CCDC33: variants seen among roughly 807,000 people sequenced by gnomAD.
The protein encoded by CCDC33 is coiled-coil domain-containing protein 33.
Under a neutral mutation model 91.9 loss-of-function variants are expected in CCDC33, and 94 were observed. The ratio of observed to expected loss-of-function variants is 1.02; its 90% CI spans 0.87 to 1.21. The LOEUF (loss-of-function observed/expected upper bound fraction) is 1.21. CCDC33 is among the 50% of genes most tolerant of loss of function. The probability of loss-of-function intolerance (pLI) is 0.00; values close to 1 mark genes in which losing one functional copy is unlikely to be tolerated. For missense variants in CCDC33, 940 were observed against 935.5 expected, an observed-to-expected ratio of 1.00 and a Z score of -0.06; for synonymous variants, 396 against 374.5, an observed-to-expected ratio of 1.06 and a Z score of -0.66.
chr15:74,207,935 C>T, intron 1 of CCDC33: 1 of 1,460,186 alleles, frequency 6.8e-7, no homozygotes, highest in African/African-American at 1.4e-5. Context: ...ATGGGTGACT[C>T]TCCACCTCCT....
At chr15:74,289,004 T>C (rs1051818992) in intron 10 of CCDC33, among the ~76,000 whole-genome samples, 1 of 152,200 alleles carries the variant, frequency 6.6e-6, no homozygotes, top group Non-Finnish European at 1.5e-5. Flanking sequence ...GATCTCTTAG[T>C]GTCTTTCACC....
chr15:74,335,666 G>A lies in CCDC33; in HGVS notation c.2140-259G>A, dbSNP rs77877796. On this transcript the variant is annotated intron_variant, in intron 18 of 18. Transcript: ENST00000398814. The stretch of plus-strand genomic sequence containing the variant: ...TGCCCGTGGCCAGAAGCTCAGCAGC[G>A]GCTCCTGGGAAAGGCCTGGAAAGGA... 342 of 416,296 alleles carry A rather than the reference G, an allele frequency of 8.2e-4. 3 individuals are homozygous for A. The East Asian group carries it at 0.013, about 16-fold the overall frequency. The allele number at this position is 416,296 out of a possible 1,614,324, so 25.8% of individuals were successfully genotyped here. A position where few individuals can be genotyped will look rare whatever the true frequency, so the allele number is the denominator to read the frequency against.
At position 74,218,670 on chromosome 15, in the gene CCDC33, C is replaced by T. The variant is rs766019911; in HGVS notation, c.484C>T (p.Arg162Cys). Reference sequence around the variant, plus strand: ...GGCTCAGGATCACGAGGACCTGTACCGCTACTGTGGCAACCTGGCTCTGCT... The same window carrying T: ...GGCTCAGGATCACGAGGACCTGTACTGCTACTGTGGCAACCTGGCTCTGCT... Residue 162 changes from arginine (R) to cysteine (C), a missense_variant, in exon 2 of 3, where the codon CGC (arginine) becomes TGC (cysteine). Arg to Cys is a radical substitution (Grantham distance 180). Transcript: ENST00000635913. This position sits in a 1 kb window ranked among gnomAD's most constrained non-coding sequence, Gnocchi z 4.8. 5.7e-5 allele frequency: 74 copies of T among 1,289,742 alleles called. No individual in the cohort carries two copies. Among genetic ancestry groups the T allele is most frequent in the South Asian group, 2.3e-4 (19 of 81,028 alleles). 79.9% of individuals were successfully genotyped at this position (1,289,742 alleles called of 1,614,324 possible).
intron 1 of CCDC33, among the ~76,000 whole-genome samples, chr15:74,243,397 G>A (rs895341260): frequency 2.6e-5 from 4 of 152,212 alleles, no homozygotes; most frequent in South Asian, 4.1e-4. Flanking sequence ...TACAGACGAG[G>A]ACACCTGCGA....
chr15:74,216,977 G>C (rs2142134419), upstream of CCDC33, among the ~76,000 whole-genome samples: 1 of 152,332 alleles, frequency 6.6e-6, no homozygotes, highest in East Asian at 1.9e-4. Flanking sequence ...GAGGGCTGGA[G>C]TTATTGTTTG....
chr15:74,223,146 C>T (rs1457225122), intron 2 of CCDC33, among the ~76,000 whole-genome samples: 5 of 152,116 alleles, frequency 3.3e-5, no homozygotes. Flanking sequence ...CATGCCCCAT[C>T]CCCTCAGTGC....
In CCDC33 at chr15:74,285,949, T is replaced by TA. The variant is rs200865460; in HGVS notation, c.1095+4105dup. Among the ~76,000 whole-genome samples, 1,154 of 152,310 alleles carry TA rather than the reference T, an allele frequency of 7.6e-3. 19 individuals are homozygous for TA. Among genetic ancestry groups the TA allele is most frequent in the African/African-American group, 0.026 (1,095 of 41,572 alleles). On this transcript the variant is annotated intron_variant, in intron 10 of 18. Transcript: ENST00000398814. ...CTGGCCTTTGAGGTCCATTAGGCTC[T>TA]AAAAATCCATGAGTCTGGCTGGGTG...
upstream of CCDC33, among the ~76,000 whole-genome samples, chr15:74,215,786 G>A (rs1455964321): frequency 6.6e-6 from 1 of 151,244 alleles, no homozygotes; most frequent in African/African-American, 2.4e-5. Context: ...CAGGAGAATC[G>A]CTTGAACCCG....
chr15:74,290,491 C>T (rs557864679), intron 10 of CCDC33, among the ~76,000 whole-genome samples: 20 of 152,318 alleles, frequency 1.3e-4, no homozygotes, highest in African/African-American at 4.8e-4. Flanking sequence ...CCCAACAGAT[C>T]ACTATCACCC....
At chr15:74,263,043 C>T (rs1424768855) in intron 3 of CCDC33, among the ~76,000 whole-genome samples, 3 of 152,212 alleles carry the variant, frequency 2.0e-5, no homozygotes, top group African/African-American at 2.4e-5. Flanking sequence ...TACTGCAGCT[C>T]CAGGGTTCCC....
At chr15:74,225,001 A>G (rs1410286948) in intron 2 of CCDC33, among the ~76,000 whole-genome samples, 1 of 152,058 alleles carries the variant, frequency 6.6e-6, no homozygotes, top group African/African-American at 2.4e-5. Context: ...GTCTGGGAAG[A>G]GCCTCCATTA....
At chr15:74,259,274 T>G (rs1415112284) in intron 2 of CCDC33, among the ~76,000 whole-genome samples, 1 of 150,310 alleles carries the variant, frequency 6.7e-6, no homozygotes, top group African/African-American at 2.4e-5. Context: ...TGAGGTCCCC[T>G]GGGTTCTAAG....
At chr15:74,254,922 A>G (rs1330798257) in intron 2 of CCDC33, among the ~76,000 whole-genome samples, 1 of 151,784 alleles carries the variant, frequency 6.6e-6, no homozygotes, top group Non-Finnish European at 1.5e-5. Context: ...TAATTATTGT[A>G]TTTTTAGTAG....
At chr15:74,336,182 T>C, downstream of CCDC33, 1 of 1,459,642 alleles carries the variant, frequency 6.9e-7, no homozygotes, top group Non-Finnish European at 9.0e-7. Context: ...CTGGGGGCCC[T>C]GCTTCCTCCT....
intron 10 of CCDC33, among the ~76,000 whole-genome samples, chr15:74,284,905 G>A (rs1357958267): frequency 6.6e-6 from 1 of 152,260 alleles, no homozygotes; most frequent in Non-Finnish European, 1.5e-5. Context: ...GAAGGCAGCA[G>A]CAGGGCTGGG....
chr15:74,324,390 T>C (rs2060267176), intron 11 of CCDC33, among the ~76,000 whole-genome samples: 3 of 152,058 alleles, frequency 2.0e-5, no homozygotes, highest in African/African-American at 2.4e-5. Flanking sequence ...AGTTCTTTAA[T>C]GTTTTTATGA....
chr15:74,246,134 C>T (rs76982626), intron 2 of CCDC33, among the ~76,000 whole-genome samples: 2,450 of 152,276 alleles, frequency 0.016, 61 homozygotes, highest in African/African-American at 0.056. Flanking sequence ...TGAAAGTTTT[C>T]GTTTTGTTCA....
At position 74,330,768 on chromosome 15, in the gene CCDC33, G is replaced by T. The variant is rs376335333; in HGVS notation, c.1545+17G>T. ...CTGATTCGAGTGAGCTGGGGCTTGT[G>T]GGGGCAGAGGGGAGGGAGCTATGGT... On this transcript the variant is annotated intron_variant, in intron 13 of 18. Coordinates refer to ENST00000398814, the MANE Select transcript of CCDC33 (RefSeq NM_025055.5). The T allele has an allele frequency of 8.0e-5, 128 of 1,605,750 alleles. No individual in the cohort carries two copies. Among genetic ancestry groups the T allele is most frequent in the Non-Finnish European group, 9.9e-5 (116 of 1,173,592 alleles).
At chr15:74,272,280 C>G (rs545055128) in intron 6 of CCDC33, among the ~76,000 whole-genome samples, 1 of 152,192 alleles carries the variant, frequency 6.6e-6, no homozygotes, top group Non-Finnish European at 1.5e-5. Flanking sequence ...TTAGCCCTGC[C>G]GGGCGGAGTC....
Sources: allele counts gnomAD v4.1 joint callset (sites outside exome capture counted in the v4.1 genomes callset), GRCh38; gene constraint gnomAD v4.1.1; non-coding constraint Gnocchi (gnomAD v3.1); transcripts MANE v1.5; gene names NCBI Gene and HGNC (gene_info 2026-07-23, HGNC 2026-07-21).